The following COL23A1 variants were observed in gnomAD, a reference collection of about 807,000 sequenced individuals.
COL23A1 encodes collagen type XXIII alpha 1 chain, also known as collagen alpha-1(XXIII) chain.
In COL23A1, 97 loss-of-function variants were observed where a neutral mutation model predicts 99.3. That is an observed-to-expected ratio of 0.98 (90% CI 0.83 to 1.16). COL23A1 has a LOEUF of 1.16. Among genes scored for constraint, COL23A1 ranks in the 50% most tolerant of loss-of-function variants. COL23A1 has a pLI of 0.00. For missense variants in COL23A1, 762 were observed against 757.4 expected (o/e 1.01, Z -0.07); for synonymous variants, 320 against 308.2 (o/e 1.04, Z -0.40).
intron 18 of COL23A1, among the ~76,000 whole-genome samples, chr5:178,249,716 A>ACACTCTCT: frequency 1.6e-4 from 15 of 92,806 alleles, no homozygotes; most frequent in African/African-American, 5.5e-4. Context: ...ACACACACAC[A>ACACTCTCT]CTCTCTCTCT....
chr5:178,448,718 T>C lies in COL23A1; in HGVS notation c.361+111964A>G, dbSNP rs895556513. On this transcript the variant is annotated intron_variant, in intron 2 of 28. Transcript: ENST00000390654. ...GCAGTGCCCCCAAGACCCAAATACGTCCCATTAGGCTCCACTTCCGTATAC... is the reference window on the plus strand; with the variant it reads ...GCAGTGCCCCCAAGACCCAAATACGCCCCATTAGGCTCCACTTCCGTATAC... Among the ~76,000 whole-genome samples the C allele has an allele frequency of 4.6e-5, 7 of 152,058 alleles. No individual in the cohort carries two copies. The South Asian group carries it at 1.5e-3, about 32-fold the overall frequency.
intron 2 of COL23A1, among the ~76,000 whole-genome samples, chr5:178,380,649 T>G (rs2127736003): frequency 6.6e-6 from 1 of 152,282 alleles, no homozygotes; most frequent in Admixed American, 6.5e-5. Context: ...GAAGTGGCAT[T>G]TGAGCCAATG....
At chr5:178,319,633 T>C (rs1007076515) in intron 2 of COL23A1, among the ~76,000 whole-genome samples, 9 of 152,198 alleles carry the variant, frequency 5.9e-5, no homozygotes, top group African/African-American at 1.9e-4. Context: ...TTGCAGGCCT[T>C]GGACAGGGAA....
intron 2 of COL23A1, among the ~76,000 whole-genome samples, chr5:178,400,765 G>A (rs1452775621): frequency 1.3e-5 from 2 of 151,762 alleles, no homozygotes; most frequent in Non-Finnish European, 2.9e-5. Flanking sequence ...AGCCTTCCAA[G>A]TACCTGGGAT....
chr5:178,355,172 G>A (rs1243124395), intron 2 of COL23A1, among the ~76,000 whole-genome samples: 2 of 152,148 alleles, frequency 1.3e-5, no homozygotes, highest in Non-Finnish European at 2.9e-5. Context: ...TGGAGGATGT[G>A]TATTGGTTAT....
In COL23A1 at chr5:178,262,209, A is replaced by G. The variant is rs751382817; in HGVS notation, c.675+8T>C. The G allele has an allele frequency of 3.8e-6, 6 of 1,580,862 alleles. No homozygotes were observed. In the South Asian group the frequency reaches 7.0e-5, roughly 18 times the overall value. On this transcript the variant is annotated splice_region_variant and intron_variant, in intron 10 of 28. Transcript: ENST00000390654. Reference sequence around the variant, plus strand: ...AGCCCAGGCCTCTGGAATGCCCTGGATACTGACCATCTCGCCGTCTTGTCC... The same window carrying G: ...AGCCCAGGCCTCTGGAATGCCCTGGGTACTGACCATCTCGCCGTCTTGTCC...
chr5:178,536,067 T>G (rs951777357), intron 2 of COL23A1, among the ~76,000 whole-genome samples: 7 of 152,404 alleles, frequency 4.6e-5, no homozygotes, highest in African/African-American at 1.7e-4. Context: ...GGATCTGGTC[T>G]GCCAGAGGCT....
intron 2 of COL23A1, among the ~76,000 whole-genome samples, chr5:178,499,800 C>T (rs535125823): frequency 3.0e-4 from 45 of 152,290 alleles, no homozygotes; most frequent in African/African-American, 1.1e-3. Context: ...GGCAACAATC[C>T]ACATATCTAT....
intron 2 of COL23A1, among the ~76,000 whole-genome samples, chr5:178,380,085 C>A (rs1033961670): frequency 1.3e-5 from 2 of 152,068 alleles, no homozygotes; most frequent in African/African-American, 4.8e-5. Context: ...TTTTGTGAAC[C>A]GTGATGATCT....
At position 178,313,697 on chromosome 5, in the gene COL23A1, C is replaced by G. The variant is rs1758827662; in HGVS notation, c.362-6778G>C. Reference sequence around the variant, plus strand: ...GTGTCCCTTCAGACCTGGTCCTTCTCAACACCACTGGAAGCCCCTTTATAT... The same window carrying G: ...GTGTCCCTTCAGACCTGGTCCTTCTGAACACCACTGGAAGCCCCTTTATAT... On this transcript the variant is annotated intron_variant, in intron 2 of 28. Coordinates refer to ENST00000390654, the MANE Select transcript of COL23A1 (RefSeq NM_173465.4). The surrounding 1 kb of genome is among the most constrained non-coding windows in gnomAD (Gnocchi z 4.2). 6.6e-6 allele frequency among the ~76,000 whole-genome samples: 1 copy of G among 152,198 alleles called. No individual in the cohort carries two copies. The highest frequency in any genetic ancestry group is 2.4e-5 in the African/African-American group (1 of 41,428).
intron 2 of COL23A1, among the ~76,000 whole-genome samples, chr5:178,325,557 T>C (rs1759602927): frequency 6.6e-6 from 1 of 152,142 alleles, no homozygotes; most frequent in Non-Finnish European, 1.5e-5. Flanking sequence ...ACTTATGTCT[T>C]AGCCTTCCCA....
chr5:178,315,838 T>C (rs779196279), intron 2 of COL23A1, among the ~76,000 whole-genome samples: 29 of 146,382 alleles, frequency 2.0e-4, no homozygotes, highest in Non-Finnish European at 3.7e-4. Context: ...GAAAATAAAC[T>C]GATAATTGCT....
intron 2 of COL23A1, among the ~76,000 whole-genome samples, chr5:178,552,763 G>C (rs949433749): frequency 1.3e-5 from 2 of 151,430 alleles, no homozygotes; most frequent in Non-Finnish European, 2.9e-5. Context: ...CGCCAGGCTG[G>C]GGTGCAGTGG....
chr5:178,493,809 T>G (rs1758059814), intron 2 of COL23A1, among the ~76,000 whole-genome samples: 1 of 152,242 alleles, frequency 6.6e-6, no homozygotes, highest in South Asian at 2.1e-4. Context: ...CCTGGGCTGA[T>G]GCACTGAGGA....
intron 2 of COL23A1, among the ~76,000 whole-genome samples, chr5:178,420,889 C>T (rs1195815575): frequency 2.0e-5 from 3 of 151,606 alleles, no homozygotes; most frequent in African/African-American, 7.3e-5. Flanking sequence ...TTTGTAGAAC[C>T]TGAAACAGAG....
chr5:178,392,064 G>A (rs1372207554), intron 2 of COL23A1, among the ~76,000 whole-genome samples: 1 of 151,878 alleles, frequency 6.6e-6, no homozygotes, highest in African/African-American at 2.4e-5. Flanking sequence ...TGGTTGCTGC[G>A]GGCTGGGGGC....
chr5:178,432,482 C>T (rs1031597688), intron 2 of COL23A1, among the ~76,000 whole-genome samples: 6 of 152,308 alleles, frequency 3.9e-5, no homozygotes, highest in South Asian at 2.1e-4. Flanking sequence ...CCCACCCTCT[C>T]GCCTGCCTCC....
chr5:178,254,565 A>T (rs1055238996), intron 16 of COL23A1, among the ~76,000 whole-genome samples: 1 of 152,138 alleles, frequency 6.6e-6, no homozygotes, highest in African/African-American at 2.4e-5. Context: ...CTGGGGGCAG[A>T]GCTTGCCACT....
chr5:178,577,728 C>T (rs1247638050), intron 1 of COL23A1, among the ~76,000 whole-genome samples: 1 of 152,256 alleles, frequency 6.6e-6, no homozygotes, highest in Non-Finnish European at 1.5e-5. Context: ...ATTGCTCAGT[C>T]CTCACCAAGA....
Sources: gnomAD v4.1 joint callset for allele counts (sites outside exome capture counted in the v4.1 genomes callset) on GRCh38, gnomAD v4.1.1 for gene constraint, Gnocchi (gnomAD v3.1) non-coding constraint, MANE v1.5 for transcripts, NCBI Gene and HGNC (gene_info 2026-07-23, HGNC 2026-07-21) for gene names.